Variants in NOS1AP observed in about 807,000 individuals in gnomAD.
NOS1AP encodes nitric oxide synthase 1 adaptor protein.
NOS1AP carries 21 observed loss-of-function variants against 56.2 expected under a neutral mutation model. The observed-to-expected ratio is 0.37, with a 90% confidence interval of 0.26 to 0.54. The LOEUF (loss-of-function observed/expected upper bound fraction) is 0.54. Ranked by LOEUF, NOS1AP falls within the 20% of genes least tolerant of loss-of-function variation. The pLI is 0.84. For synonymous variants in NOS1AP, 270 were observed against 274.6 expected (o/e 0.98, Z 0.17); for missense variants, 522 against 657.8 (o/e 0.79, Z 2.26).
chr1:162,096,640 C>T (rs547849845), intron 1 of NOS1AP, among the ~76,000 whole-genome samples: 1 of 152,236 alleles, frequency 6.6e-6, no homozygotes, highest in Admixed American at 6.5e-5. Context: ...ATGCATATAT[C>T]CAATAACATT....
chr1:162,232,122 C>T (rs1423450776), intron 2 of NOS1AP, among the ~76,000 whole-genome samples: 1 of 152,126 alleles, frequency 6.6e-6, no homozygotes, highest in Non-Finnish European at 1.5e-5. Flanking sequence ...AATTTGGTCG[C>T]AATTTGAGAG....
intron 6 of NOS1AP, among the ~76,000 whole-genome samples, chr1:162,346,558 C>G (rs1657303231): frequency 6.6e-6 from 1 of 152,182 alleles, no homozygotes; most frequent in African/African-American, 2.4e-5. Context: ...CACACACACA[C>G]ATTTCTTATG....
chr1:162,191,804 A>G (rs544654328), intron 2 of NOS1AP, among the ~76,000 whole-genome samples: 43 of 152,242 alleles, frequency 2.8e-4, no homozygotes, highest in Non-Finnish European at 5.3e-4. Flanking sequence ...TAATTATGGT[A>G]ATAATGTCAT....
At chr1:162,189,695 A>G (rs1417669022) in intron 2 of NOS1AP, among the ~76,000 whole-genome samples, 1 of 152,228 alleles carries the variant, frequency 6.6e-6, no homozygotes, top group Non-Finnish European at 1.5e-5. Flanking sequence ...CAGTTCTGTG[A>G]ATAAAATAAA....
At chr1:162,136,514 A>T (rs540355705) in intron 1 of NOS1AP, among the ~76,000 whole-genome samples, 1 of 152,320 alleles carries the variant, frequency 6.6e-6, no homozygotes, top group African/African-American at 2.4e-5. Flanking sequence ...AACCAGCAGC[A>T]GTTTTTGGAA....
At chr1:162,284,905 A>G (rs1312431534) in intron 2 of NOS1AP, among the ~76,000 whole-genome samples, 1 of 152,218 alleles carries the variant, frequency 6.6e-6, no homozygotes, top group East Asian at 1.9e-4. Flanking sequence ...GTCAACTACA[A>G]CATTCTTCCA....
chr1:162,218,478 G>C (rs1371566907), intron 2 of NOS1AP, among the ~76,000 whole-genome samples: 3 of 152,154 alleles, frequency 2.0e-5, no homozygotes, highest in Non-Finnish European at 4.4e-5. Context: ...AATGATAATA[G>C]GCATGACTGT....
intron 2 of NOS1AP, among the ~76,000 whole-genome samples, chr1:162,254,873 T>C (rs1653976666): frequency 6.6e-6 from 1 of 152,206 alleles, no homozygotes; most frequent in Non-Finnish European, 1.5e-5. Flanking sequence ...TTAAGTGACT[T>C]CTTGGCACTC....
intron 2 of NOS1AP, among the ~76,000 whole-genome samples, chr1:162,234,059 A>G (rs1224312817): frequency 6.6e-6 from 1 of 152,240 alleles, no homozygotes; most frequent in Non-Finnish European, 1.5e-5. Context: ...AAAATCTAGT[A>G]GGAAAGACCA....
At chr1:162,279,294 T>C (rs1654841656) in intron 2 of NOS1AP, among the ~76,000 whole-genome samples, 1 of 152,178 alleles carries the variant, frequency 6.6e-6, no homozygotes, top group Non-Finnish European at 1.5e-5. Flanking sequence ...CCCGGGGCTA[T>C]CTCGTCTCCT....
chr1:162,333,033 C>T lies in NOS1AP; in HGVS notation c.361C>T (p.His121Tyr). The T allele has an allele frequency of 6.2e-7, 1 of 1,613,094 alleles. No homozygotes were observed. The highest frequency in any genetic ancestry group is 8.5e-7 in the Non-Finnish European group (1 of 1,179,050). Residue 121 changes from histidine (H) to tyrosine (Y), a missense_variant, in exon 5 of 10, where the codon CAT (histidine) becomes TAT (tyrosine). Around this residue, in one of 4 missense-constraint regions of NOS1AP, gnomAD observed 132 missense variants for 218.1 expected, o/e 0.61. Transcript: ENST00000361897. ...DPIYRIFYVS[H>Y]DSQDLKIFSY... ...TTCCTTTAGGATCTTCTATGTCTCT[C>T]ATGATTCCCAAGACTTGAAGATCTT...
At chr1:162,102,015 T>A (rs1367384998) in intron 1 of NOS1AP, among the ~76,000 whole-genome samples, 1 of 151,994 alleles carries the variant, frequency 6.6e-6, no homozygotes, top group African/African-American at 2.4e-5. Context: ...CATTCTTGTC[T>A]TGTGCTGGTT....
At chr1:162,077,281 A>G (rs752353182) in intron 1 of NOS1AP, among the ~76,000 whole-genome samples, 2 of 151,928 alleles carry the variant, frequency 1.3e-5, no homozygotes, top group Non-Finnish European at 2.9e-5. Flanking sequence ...ATTTCATCAT[A>G]GTTTTGATTT....
chr1:162,230,808 G>A (rs963461190), intron 2 of NOS1AP, among the ~76,000 whole-genome samples: 1 of 152,118 alleles, frequency 6.6e-6, no homozygotes, highest in Non-Finnish European at 1.5e-5. Flanking sequence ...CATCTTTGTT[G>A]TAGCAGGTGT....
At chr1:162,200,838 C>T (rs938756191) in intron 2 of NOS1AP, among the ~76,000 whole-genome samples, 2 of 152,132 alleles carry the variant, frequency 1.3e-5, no homozygotes, top group Non-Finnish European at 2.9e-5. Flanking sequence ...AGAACAAGGA[C>T]GTGCTACTCC....
intron 7 of NOS1AP, among the ~76,000 whole-genome samples, chr1:162,356,729 G>A (rs996747818): frequency 6.6e-6 from 1 of 152,190 alleles, no homozygotes; most frequent in African/African-American, 2.4e-5. Context: ...GTCAGTTACC[G>A]AGGTGTCCCC....
chr1:162,214,564 G>A (rs531538022), intron 2 of NOS1AP, among the ~76,000 whole-genome samples: 1 of 152,158 alleles, frequency 6.6e-6, no homozygotes, highest in East Asian at 1.9e-4. Context: ...AATTCTCAGT[G>A]TTTTTCTTAA....
chr1:162,320,147 G>C (rs1419019275), intron 4 of NOS1AP, among the ~76,000 whole-genome samples: 1 of 152,190 alleles, frequency 6.6e-6, no homozygotes, highest in Non-Finnish European at 1.5e-5. Flanking sequence ...GGGGCCAAGG[G>C]GGGCGGGGTA....
intron 1 of NOS1AP, among the ~76,000 whole-genome samples, chr1:162,105,176 T>G (rs1201114177): frequency 6.6e-6 from 1 of 152,242 alleles, no homozygotes; most frequent in Non-Finnish European, 1.5e-5. Flanking sequence ...TGCAGTTTGC[T>G]GGGGGTCCAC....
Sources: gnomAD v4.1 joint callset for allele counts (sites outside exome capture counted in the v4.1 genomes callset) on GRCh38, gnomAD v4.1.1 for gene constraint, gnomAD v4.1.1 regional missense constraint, MANE v1.5 for transcripts, NCBI Gene and HGNC (gene_info 2026-07-23, HGNC 2026-07-21) for gene names.